Variants in TSHZ2 observed in about 807,000 individuals in gnomAD.
TSHZ2 encodes the protein teashirt homolog 2.
Under a neutral mutation model 74.4 loss-of-function variants are expected in TSHZ2, and 21 were observed. The observed-to-expected ratio is 0.28, with a 90% CI of 0.20 to 0.41. TSHZ2 has a LOEUF of 0.41. TSHZ2 is among the 10% of genes least tolerant of loss of function. TSHZ2 has a pLI of 1.00. For missense variants in TSHZ2, 1,244 were observed against 1,293.5 expected (o/e 0.96, Z 0.59); for synonymous variants, 540 against 515.3 (o/e 1.05, Z -0.65).
chr20:53,030,902 A>G (rs1333150956), intron 1 of TSHZ2, among the ~76,000 whole-genome samples: 3 of 152,246 alleles, frequency 2.0e-5, no homozygotes, highest in Admixed American at 6.5e-5. Context: ...ATCAACAGAT[A>G]AAGAAACACG....
At chr20:53,349,457 G>A (rs1172415644) in intron 2 of TSHZ2, among the ~76,000 whole-genome samples, 1 of 152,158 alleles carries the variant, frequency 6.6e-6, no homozygotes, top group Non-Finnish European at 1.5e-5. Context: ...TTCTAGACCA[G>A]CCTGGGTGAC....
intron 1 of TSHZ2, among the ~76,000 whole-genome samples, chr20:53,063,043 A>G (rs1984870009): frequency 6.6e-6 from 1 of 152,236 alleles, no homozygotes; most frequent in Non-Finnish European, 1.5e-5. Flanking sequence ...CGAAACAATT[A>G]CAACAGTAAC....
intron 1 of TSHZ2, among the ~76,000 whole-genome samples, chr20:53,008,365 T>G (rs1041752239): frequency 6.6e-6 from 1 of 152,178 alleles, no homozygotes; most frequent in Non-Finnish European, 1.5e-5. Context: ...ATTGGAATAA[T>G]GAATTGCTCA....
intron 1 of TSHZ2, among the ~76,000 whole-genome samples, chr20:53,229,247 C>T (rs951433442): frequency 1.3e-5 from 2 of 152,106 alleles, no homozygotes; most frequent in African/African-American, 4.8e-5. Flanking sequence ...TAGCCCCACC[C>T]CCTAGAGGAG....
Position 53,255,231 on chromosome 20 carries a change from C to T in TSHZ2, c.1773C>T (p.Pro591=). The part of the protein sequence containing the change: ...KWKVMPLVSM[P]THLAPYTQVK... The stretch of plus-strand genomic sequence containing the variant: ...AAGTGATGCCACTGGTTTCTATGCC[C>T]ACACACCTGGCCCCTTACACTCAAG... The change falls in exon 2 of 3, where the codon CCC becomes CCT. Residue 591 remains proline (P), a synonymous_variant. Coordinates refer to ENST00000371497, the MANE Select transcript of TSHZ2 (RefSeq NM_173485.6). The surrounding 1 kb of genome is among the most constrained non-coding windows in gnomAD (Gnocchi z 4.1). 1.2e-6 allele frequency: 2 copies of T among 1,614,200 alleles called. No homozygotes were observed. The highest frequency in any genetic ancestry group is 1.7e-6 in the Non-Finnish European group (2 of 1,180,032).
intron 2 of TSHZ2, among the ~76,000 whole-genome samples, chr20:53,484,096 T>C (rs1419996313): frequency 6.6e-6 from 1 of 152,182 alleles, no homozygotes; most frequent in East Asian, 1.9e-4. Flanking sequence ...TCTCTCTTCT[T>C]CCAACCACAT....
chr20:53,011,480 G>A (rs1043806153), intron 1 of TSHZ2, among the ~76,000 whole-genome samples: 4 of 152,092 alleles, frequency 2.6e-5, no homozygotes, highest in Non-Finnish European at 5.9e-5. Context: ...CTAATAAAAA[G>A]CCAGGACCTT....
At chr20:53,335,830 T>C (rs2145558042) in intron 2 of TSHZ2, among the ~76,000 whole-genome samples, 1 of 36,346 alleles carries the variant, frequency 2.8e-5, no homozygotes, top group East Asian at 4.5e-4. Flanking sequence ...GGCGGCAAAA[T>C]CTTAGCTGTG....
chr20:53,375,830 A>G (rs1981638853), intron 2 of TSHZ2, among the ~76,000 whole-genome samples: 1 of 152,186 alleles, frequency 6.6e-6, no homozygotes, highest in Non-Finnish European at 1.5e-5. Flanking sequence ...CTCATTACCA[A>G]AAGGATTTGA....
chr20:53,261,776 G>A (rs1289468456), intron 2 of TSHZ2, among the ~76,000 whole-genome samples: 4 of 151,842 alleles, frequency 2.6e-5, no homozygotes, highest in African/African-American at 7.3e-5. Context: ...TTTTTCTTTC[G>A]CTAAATTGAA....
chr20:53,463,433 A>AGGAAGAAG (rs1482520789), intron 2 of TSHZ2, among the ~76,000 whole-genome samples: 4 of 93,032 alleles, frequency 4.3e-5, no homozygotes, highest in East Asian at 3.9e-4. Flanking sequence ...GAAGGAAGGA[A>AGGAAGAAG]GGAGGGAGGG....
intron 1 of TSHZ2, among the ~76,000 whole-genome samples, chr20:53,141,938 G>A (rs964724548): frequency 6.6e-6 from 1 of 152,214 alleles, no homozygotes; most frequent in African/African-American, 2.4e-5. Flanking sequence ...GGAAACCTGT[G>A]GGCTTCACCT....
chr20:53,055,051 C>A (rs1189151554), intron 1 of TSHZ2, among the ~76,000 whole-genome samples: 1 of 152,168 alleles, frequency 6.6e-6, no homozygotes, highest in Non-Finnish European at 1.5e-5. Flanking sequence ...CCGAACAACA[C>A]TAATCTGAAG....
intron 2 of TSHZ2, among the ~76,000 whole-genome samples, chr20:53,431,242 A>T (rs1420073266): frequency 6.6e-6 from 1 of 151,916 alleles, no homozygotes; most frequent in African/African-American, 2.4e-5. Context: ...AGATCACTTG[A>T]GGTCAGGAGT....
At chr20:53,427,851 G>T (rs539578463) in intron 2 of TSHZ2, among the ~76,000 whole-genome samples, 1 of 152,088 alleles carries the variant, frequency 6.6e-6, no homozygotes, top group Non-Finnish European at 1.5e-5. Context: ...GGGATGGAAG[G>T]CCTAGAGCCC....
intron 2 of TSHZ2, among the ~76,000 whole-genome samples, chr20:53,325,025 A>G (rs1979433820): frequency 6.6e-6 from 1 of 152,242 alleles, no homozygotes; most frequent in Non-Finnish European, 1.5e-5. Flanking sequence ...CCTAATTATC[A>G]GGGAAAAGAC....
At chr20:53,279,135 A>T (rs1166364466) in intron 2 of TSHZ2, among the ~76,000 whole-genome samples, 1 of 152,220 alleles carries the variant, frequency 6.6e-6, no homozygotes, top group Admixed American at 6.5e-5. Context: ...TGTCATCTTC[A>T]CATTGAGTAG....
intron 2 of TSHZ2, among the ~76,000 whole-genome samples, chr20:53,451,160 C>T (rs866214850): frequency 6.6e-6 from 1 of 152,136 alleles, no homozygotes; most frequent in African/African-American, 2.4e-5. Flanking sequence ...TTTGTACAGC[C>T]TACACATAGT....
intron 1 of TSHZ2, among the ~76,000 whole-genome samples, chr20:52,997,017 G>A (rs1405194899): frequency 3.3e-5 from 5 of 152,022 alleles, no homozygotes. Context: ...GCACGAGGGG[G>A]TGGCATGCAA....
Sources: allele counts gnomAD v4.1 joint callset (sites outside exome capture counted in the v4.1 genomes callset), GRCh38; gene constraint gnomAD v4.1.1; non-coding constraint Gnocchi (gnomAD v3.1); transcripts MANE v1.5; gene names NCBI Gene and HGNC (gene_info 2026-07-23, HGNC 2026-07-21).